The following KANSL2 variants were observed in gnomAD, a reference collection of about 807,000 sequenced individuals.
KANSL2 encodes KAT8 regulatory NSL complex subunit 2, also known as NSL complex protein NSL2.
Under a neutral mutation model 55.6 loss-of-function variants are expected in KANSL2, and 34 were observed. That is an observed-to-expected ratio of 0.61 (90% CI 0.46 to 0.81). The LOEUF is 0.81. Ranked by LOEUF, KANSL2 falls within the 40% of genes least tolerant of loss-of-function variation. The pLI, the probability that KANSL2 is intolerant of heterozygous loss-of-function variation, is 0.00. For missense variants in KANSL2, 502 were observed against 609.9 expected (o/e 0.82, Z 1.86); for synonymous variants, 209 against 214.3 (o/e 0.98, Z 0.22).
At chr12:48,672,846 C>T (rs1203009974) in intron 4 of KANSL2, among the ~76,000 whole-genome samples, 3 of 152,062 alleles carry the variant, frequency 2.0e-5, no homozygotes. Flanking sequence ...GCAACCTCCG[C>T]TTCCCAGGTT....
chr12:48,675,358 A>C (rs1361977725), intron 4 of KANSL2, among the ~76,000 whole-genome samples: 1 of 152,218 alleles, frequency 6.6e-6, no homozygotes, highest in Non-Finnish European at 1.5e-5. Context: ...GTGAGCTGAG[A>C]TCGTGCCACT....
rs139032690 is a variant in KANSL2, at chr12:48,659,503, G to C, written c.1227+863C>G. ...CTGGGCATGGTGGCATAAACCTATAGTCCCAGCTACTTGGGAGGCTGAGAC... is the reference window on the plus strand; with the variant it reads ...CTGGGCATGGTGGCATAAACCTATACTCCCAGCTACTTGGGAGGCTGAGAC... On this transcript the variant is annotated intron_variant, in intron 8 of 9. Transcript: ENST00000420613. Among the ~76,000 whole-genome samples the C allele has an allele frequency of 4.3e-4, 66 of 151,992 alleles. No individual in the cohort carries two copies. The East Asian group carries it at 0.011, about 25-fold the overall frequency.
intron 4 of KANSL2, among the ~76,000 whole-genome samples, chr12:48,673,057 C>A (rs1409953995): frequency 6.6e-6 from 1 of 152,052 alleles, no homozygotes; most frequent in Non-Finnish European, 1.5e-5. Context: ...CTGTGCCCAG[C>A]CAAAATTTGT....
rs186620109 is a variant in KANSL2, at chr12:48,676,110, T to G, written c.545+2926A>C. Reference sequence around the variant, plus strand: ...TTAGATGTTGTAGACAAGCTTTTATTTATTTTTTCTGTGTGTATGAGATAG... The same window carrying G: ...TTAGATGTTGTAGACAAGCTTTTATGTATTTTTTCTGTGTGTATGAGATAG... On this transcript the variant is annotated intron_variant, in intron 4 of 9. Coordinates refer to ENST00000420613, the MANE Select transcript of KANSL2 (RefSeq NM_017822.4). Among the ~76,000 whole-genome samples the G allele has an allele frequency of 1.1e-4, 16 of 152,248 alleles. No individual in the cohort carries two copies. The East Asian group carries it at 2.7e-3, about 26-fold the overall frequency.
At chr12:48,667,396 A>G in intron 7 of KANSL2, 1 of 389,708 alleles carries the variant, frequency 2.6e-6, no homozygotes, top group South Asian at 2.4e-5. Flanking sequence ...TTTTATGTAT[A>G]TTTTGGGACC....
Position 48,653,838 on chromosome 12 carries a change from T to C in KANSL2, c.*206A>G. 1 of 451,752 alleles carries C rather than the reference T, an allele frequency of 2.2e-6. No homozygotes were observed. Among genetic ancestry groups the C allele is most frequent in the Non-Finnish European group, 3.9e-6 (1 of 258,996 alleles). 28.0% of individuals were successfully genotyped at this position (451,752 alleles called of 1,614,324 possible). A position where few individuals can be genotyped will look rare whatever the true frequency, so the allele number is the denominator to read the frequency against. ...TAATCCCAGAAGCTTTGATAGGGATTATCTCTCTTTCTCTTCCTTGCCCTG... is the reference window on the plus strand; with the variant it reads ...TAATCCCAGAAGCTTTGATAGGGATCATCTCTCTTTCTCTTCCTTGCCCTG... On this transcript the variant is annotated 3_prime_UTR_variant, in exon 10 of 10. Transcript: ENST00000420613.
chr12:48,675,423 G>A (rs1347549568), intron 4 of KANSL2, among the ~76,000 whole-genome samples: 1 of 151,896 alleles, frequency 6.6e-6, no homozygotes, highest in Admixed American at 6.6e-5. Flanking sequence ...ATACATAACG[G>A]TTTCACAAGG....
chr12:48,672,256 A>C (rs1024772049), intron 4 of KANSL2, among the ~76,000 whole-genome samples: 9 of 151,714 alleles, frequency 5.9e-5, no homozygotes, highest in Non-Finnish European at 4.4e-5. Flanking sequence ...AACACTTTAA[A>C]CTTTTATTAA....
intron 5 of KANSL2, among the ~76,000 whole-genome samples, chr12:48,670,033 T>A (rs570271665): frequency 2.2e-4 from 34 of 151,968 alleles, no homozygotes; most frequent in Non-Finnish European, 4.1e-4. Flanking sequence ...AAACCCCATC[T>A]CTACTAAAAA....
At chr12:48,674,875 G>C (rs564313226) in intron 4 of KANSL2, among the ~76,000 whole-genome samples, 2 of 151,814 alleles carry the variant, frequency 1.3e-5, no homozygotes, top group African/African-American at 4.8e-5. Flanking sequence ...ACAGTGAGCC[G>C]AGATCGCACC....
intron 4 of KANSL2, among the ~76,000 whole-genome samples, chr12:48,674,716 A>C (rs1169319407): frequency 6.6e-6 from 1 of 152,200 alleles, no homozygotes; most frequent in East Asian, 1.9e-4. Flanking sequence ...ACTTGAGGTC[A>C]GGAGTTCGAG....
At chr12:48,671,273 T>C (rs936912565) in intron 5 of KANSL2, among the ~76,000 whole-genome samples, 1 of 6,188 alleles carries the variant, frequency 1.6e-4, no homozygotes, top group African/African-American at 5.9e-4. Flanking sequence ...TCCGTCTCAA[T>C]TAAAAAAAAA....
chr12:48,660,228 T>C, intron 8 of KANSL2, 138 bp downstream of exon 8: 1 of 808,514 alleles, frequency 1.2e-6, no homozygotes, highest in Non-Finnish European at 1.9e-6. Context: ...TATGCTAACA[T>C]ATAAATACAA....
intron 2 of KANSL2, among the ~76,000 whole-genome samples, chr12:48,680,485 A>G (rs1393367131): frequency 6.6e-6 from 1 of 152,072 alleles, no homozygotes; most frequent in African/African-American, 2.4e-5. Context: ...AGCCACTGCG[A>G]CCAGCCAGGG....
chr12:48,664,211 G>A (rs532674250), intron 7 of KANSL2, among the ~76,000 whole-genome samples: 8 of 151,674 alleles, frequency 5.3e-5, no homozygotes, highest in Non-Finnish European at 8.8e-5. Context: ...CACTTTGCCC[G>A]GCCCTATTAG....
chr12:48,673,082 T>C (rs1208576192), intron 4 of KANSL2, among the ~76,000 whole-genome samples: 1 of 151,948 alleles, frequency 6.6e-6, no homozygotes, highest in Non-Finnish European at 1.5e-5. Flanking sequence ...GTTTAAAAAA[T>C]ATAGGCCTAT....
chr12:48,664,886 T>TCACTCAAC, intron 7 of KANSL2, among the ~76,000 whole-genome samples: 1 of 145,978 alleles, frequency 6.9e-6, no homozygotes, highest in African/African-American at 2.5e-5. Context: ...CCGCTTTTTT[T>TCACTCAAC]TTTTTTTTTT....
rs1441052810 is a variant in KANSL2 at position 48,653,477 on chromosome 12, T to C, written c.*567A>G. ...TTTAATAGAAACTATATACAATAAA[T>C]TTTTACTATATTTTACATAAGATAG... is the stretch of plus-strand genomic sequence containing the variant. On this transcript the variant is annotated 3_prime_UTR_variant, in exon 10 of 10. Transcript: ENST00000420613. 1 of 152,622 alleles carries C rather than the reference T, an allele frequency of 6.6e-6. No homozygotes were observed. The highest frequency in any genetic ancestry group is 2.4e-5 in the African/African-American group (1 of 41,442). 9.5% of individuals were successfully genotyped at this position (152,622 alleles called of 1,614,324 possible).
At position 48,671,919 on chromosome 12, in the gene KANSL2, G is replaced by A. The variant is rs780122257; in HGVS notation, c.589C>T (p.Arg197Cys). 1.9e-6 allele frequency: 3 copies of A among 1,609,142 alleles called. No individual in the cohort carries two copies. Among genetic ancestry groups the A allele is most frequent in the African/African-American group, 1.3e-5 (1 of 74,946 alleles). Reference sequence around the variant, plus strand: ...GACTGCAAACGAATTAGCTTTTCACGCATAATCAGGGCCACTTCTTCTGCT... The same window carrying A: ...GACTGCAAACGAATTAGCTTTTCACACATAATCAGGGCCACTTCTTCTGCT... ...YTAEEVALIM[R>C]EKLIRLQSLY... The change falls in exon 5 of 10, where the codon CGT becomes TGT. Residue 197 changes from arginine to cysteine, a missense_variant. Transcript: ENST00000420613.
Sources: allele counts gnomAD v4.1 joint callset (sites outside exome capture counted in the v4.1 genomes callset), GRCh38; gene constraint gnomAD v4.1.1; transcripts MANE v1.5; gene names NCBI Gene and HGNC (gene_info 2026-07-23, HGNC 2026-07-21).